KLHL41: variants seen among roughly 807,000 people sequenced by gnomAD.
KLHL41 encodes kelch like family member 41, also known as kelch-like protein 41.
Under a neutral mutation model 49.2 loss-of-function variants are expected in KLHL41, and 31 were observed. The ratio of observed to expected loss-of-function variants is 0.63; its 90% CI spans 0.47 to 0.85. KLHL41 has a LOEUF of 0.85. KLHL41 is among the 40% of genes least tolerant of loss of function. The pLI is 0.00. For missense variants in KLHL41, 663 were observed against 726.7 expected (o/e 0.91, Z 1.01); for synonymous variants, 218 against 258.5 (o/e 0.84, Z 1.50).
At chr2:169,515,035 C>CTTT (rs373207430) in intron 3 of KLHL41, 74 bp downstream of exon 3, 447 of 640,776 alleles carry the variant, frequency 7.0e-4, no homozygotes, top group Non-Finnish European at 7.5e-4. Context: ...CTTTTCTTTT[C>CTTT]TTTTTTTTTT....
chr2:169,516,998 G>A (rs1684125762), intron 3 of KLHL41, among the ~76,000 whole-genome samples: 2 of 151,732 alleles, frequency 1.3e-5, no homozygotes, highest in South Asian at 4.2e-4. Context: ...GGCAACAAGA[G>A]CGAAACTCCG....
chr2:169,518,555 A>C (rs556523833), intron 4 of KLHL41, among the ~76,000 whole-genome samples, 180 bp downstream of exon 4: 1 of 152,346 alleles, frequency 6.6e-6, no homozygotes, highest in East Asian at 1.9e-4. Flanking sequence ...AATCTTGTCT[A>C]ACATTCTGAT....
In KLHL41 at chr2:169,523,579, G is replaced by T. The variant is rs113331021; in HGVS notation, c.1710-2006G>T. Among the ~76,000 whole-genome samples the T allele has an allele frequency of 7.1e-3, 1,087 of 152,180 alleles. 20 individuals are homozygous for T. The highest frequency in any genetic ancestry group is 0.024 in the African/African-American group (1,017 of 41,516). On this transcript the variant is annotated intron_variant, in intron 5 of 5. Transcript: ENST00000284669. ...TTGCTGCATATTAGAAACACTTGGG[G>T]AGCTTTAAAAAATCCTGATGCCCAG...
intron 4 of KLHL41, 126 bp downstream of exon 4, chr2:169,518,501 A>C: frequency 1.6e-6 from 1 of 635,032 alleles, no homozygotes; most frequent in East Asian, 2.8e-5. Flanking sequence ...CAGATTACAA[A>C]GGAAGTATTT....
chr2:169,519,799 G>A (rs936177517), intron 4 of KLHL41, among the ~76,000 whole-genome samples: 2 of 151,870 alleles, frequency 1.3e-5, no homozygotes, highest in Non-Finnish European at 2.9e-5. Flanking sequence ...TCACCATGTT[G>A]GTCAGGCTGG....
At chr2:169,514,805 A>T in intron 2 of KLHL41, 49 bp from the exon 3 acceptor site, 1 of 1,594,796 alleles carries the variant, frequency 6.3e-7, no homozygotes, top group Non-Finnish European at 8.6e-7. Flanking sequence ...ATATTTTCAG[A>T]ACCTGGAATT....
chr2:169,525,319 A>G (rs1488046793), intron 5 of KLHL41, among the ~76,000 whole-genome samples: 1 of 152,202 alleles, frequency 6.6e-6, no homozygotes, highest in Non-Finnish European at 1.5e-5. Flanking sequence ...TTAGCTATTT[A>G]TTCCTCTTCT....
In KLHL41 at chr2:169,510,713, C is replaced by T. The variant is rs570208118; in HGVS notation, c.935C>T (p.Thr312Ile). 3.7e-6 allele frequency: 6 copies of T among 1,614,166 alleles called. No individual in the cohort carries two copies. In the Admixed American group the frequency reaches 6.7e-5, roughly 18 times the overall value. Residue 312 changes from threonine to isoleucine, a missense_variant, in exon 1 of 6, where the codon ACA becomes ATA. Thr to Ile is a moderately conservative substitution (Grantham distance 89, BLOSUM62 -1). Transcript: ENST00000284669. This position sits in a 1 kb window ranked among gnomAD's most constrained non-coding sequence, Gnocchi z 4.2. ...GACCTCATCCTCTTGGTTAATGACA[C>T]AGCAGCAGTGGCTTATGACCCCACG... ...VKDLILLVND[T>I]AAVAYDPTEN...
chr2:169,512,899 A>T (rs16856991), intron 1 of KLHL41, among the ~76,000 whole-genome samples: 59,580 of 151,814 alleles, frequency 0.39, 11,988 homozygotes, highest in East Asian at 0.49. Flanking sequence ...GTAAGGGAGG[A>T]TTTTTTCCCC....
At chr2:169,521,176 C>T (rs1684197956) in intron 5 of KLHL41, among the ~76,000 whole-genome samples, 169 bp downstream of exon 5, 2 of 152,196 alleles carry the variant, frequency 1.3e-5, no homozygotes, top group Admixed American at 6.5e-5. Context: ...CTTACTTGAA[C>T]AAGTATCTAC....
At chr2:169,516,328 G>A (rs565132650) in intron 3 of KLHL41, among the ~76,000 whole-genome samples, 2 of 152,182 alleles carry the variant, frequency 1.3e-5, no homozygotes, top group African/African-American at 2.4e-5. Context: ...CAGAAAAGGC[G>A]ATTTTAAAAA....
intron 4 of KLHL41, among the ~76,000 whole-genome samples, chr2:169,519,003 G>C (rs1274021428): frequency 6.6e-6 from 1 of 151,716 alleles, no homozygotes; most frequent in African/African-American, 2.4e-5. Flanking sequence ...TGTGTAGATG[G>C]ATATACATGT....
At chr2:169,518,123 C>A in intron 3 of KLHL41, 67 bp from the exon 4 acceptor site, 1 of 1,176,442 alleles carries the variant, frequency 8.5e-7, no homozygotes, top group Non-Finnish European at 1.2e-6. Context: ...ACAAGCAAAG[C>A]CAAATTATTA....
chr2:169,522,178 G>T (rs1010900089), intron 5 of KLHL41, among the ~76,000 whole-genome samples: 7 of 152,252 alleles, frequency 4.6e-5, no homozygotes, highest in African/African-American at 1.7e-4. Flanking sequence ...AGAGTGAAAA[G>T]TGGGTATTAT....
In KLHL41 at chr2:169,509,998, G is replaced by T. The variant is rs755446816; in HGVS notation, c.220G>T (p.Val74Leu). 3 of 1,614,106 alleles carry T rather than the reference G, an allele frequency of 1.9e-6. No homozygotes were observed. The highest frequency in any genetic ancestry group is 2.5e-6 in the Non-Finnish European group (3 of 1,180,004). Residue 74 changes from valine to leucine, a missense_variant, in exon 1 of 6, where the codon GTA becomes TTA. Physicochemically the swap from Val to Leu is conservative, Grantham distance 32. Coordinates refer to ENST00000284669, the MANE Select transcript of KLHL41 (RefSeq NM_006063.3). ...SEIDEAKKKEVVLDNVDPAIL... is the reference protein window; with the variant it reads ...SEIDEAKKKELVLDNVDPAIL... ...AATTGATGAGGCGAAAAAAAAGGAG[G>T]TAGTGCTAGACAATGTGGATCCTGC... is the stretch of plus-strand genomic sequence containing the variant.
At chr2:169,522,380 C>G (rs1426458344) in intron 5 of KLHL41, among the ~76,000 whole-genome samples, 1 of 152,006 alleles carries the variant, frequency 6.6e-6, no homozygotes, top group Non-Finnish European at 1.5e-5. Flanking sequence ...CCCTCCTCCC[C>G]CCAAAAAAGA....
chr2:169,520,429 G>A (rs1361050738), intron 4 of KLHL41, among the ~76,000 whole-genome samples: 2 of 151,484 alleles, frequency 1.3e-5, no homozygotes, highest in Non-Finnish European at 2.9e-5. Context: ...ACGGGCATGA[G>A]CCACCGAACC....
rs770467387 is a variant in KLHL41 at position 169,510,534 on chromosome 2, C to G, written c.756C>G (p.Ile252Met). Reference sequence around the variant, plus strand: ...GCAACCCAGACCTCCAGAAAAAAATCAAAGTTCTAAAAGATGCTTTCGCAG... The same window carrying G: ...GCAACCCAGACCTCCAGAAAAAAATGAAAGTTCTAAAAGATGCTTTCGCAG... ...IKSNPDLQKK[I>M]KVLKDAFAGK... The change falls in exon 1 of 6, where the codon ATC becomes ATG. Residue 252 changes from isoleucine to methionine, a missense_variant. Coordinates refer to ENST00000284669, the MANE Select transcript of KLHL41 (RefSeq NM_006063.3). The surrounding 1 kb of genome is among the most constrained non-coding windows in gnomAD (Gnocchi z 4.2). 2 of 1,613,438 alleles carry G rather than the reference C, an allele frequency of 1.2e-6. No homozygotes were observed. The highest frequency in any genetic ancestry group is 4.5e-5 in the East Asian group (2 of 44,884).
intron 5 of KLHL41, among the ~76,000 whole-genome samples, chr2:169,524,246 CA>C (rs142626390): frequency 0.094 from 14,328 of 151,974 alleles, 889 homozygotes; most frequent in Middle Eastern, 0.18. Context: ...TTATTAGTAG[CA>C]AAATATTTTT....
Sources: allele counts gnomAD v4.1 joint callset (sites outside exome capture counted in the v4.1 genomes callset), GRCh38; gene constraint gnomAD v4.1.1; non-coding constraint Gnocchi (gnomAD v3.1); transcripts MANE v1.5; gene names NCBI Gene and HGNC (gene_info 2026-07-23, HGNC 2026-07-21).